PIAS2: variants seen among roughly 807,000 people sequenced by gnomAD.
PIAS2 encodes the protein protein inhibitor of activated STAT 2, also known as E3 SUMO-protein ligase PIAS2.
PIAS2 carries 19 observed loss-of-function variants against 69.7 expected under a neutral mutation model. The ratio of observed to expected loss-of-function variants is 0.27; its 90% CI spans 0.19 to 0.40. PIAS2 has a LOEUF of 0.40. Ranked by LOEUF, PIAS2 falls within the 10% of genes least tolerant of loss-of-function variation. The pLI, the probability that PIAS2 is intolerant of heterozygous loss-of-function variation, is 1.00. For missense variants in PIAS2, 624 were observed against 757.0 expected (o/e 0.82, Z 2.06); for synonymous variants, 261 against 263.2 (o/e 0.99, Z 0.08).
chr18:46,821,257 C>T (rs754919807), intron 11 of PIAS2, among the ~76,000 whole-genome samples, 185 bp from the exon 12 acceptor site: 1 of 152,144 alleles, frequency 6.6e-6, no homozygotes, highest in Non-Finnish European at 1.5e-5. Context: ...TTAACATGAA[C>T]ATATCTTGGC....
intron 2 of PIAS2, among the ~76,000 whole-genome samples, chr18:46,882,398 T>C (rs1480954294): frequency 2.6e-5 from 4 of 152,096 alleles, no homozygotes; most frequent in African/African-American, 7.2e-5. Context: ...GGGAAAACAG[T>C]ACCTCCACAC....
At chr18:46,894,541 C>T (rs888824726) in intron 1 of PIAS2, among the ~76,000 whole-genome samples, 32 of 152,086 alleles carry the variant, frequency 2.1e-4, no homozygotes, top group Non-Finnish European at 2.6e-4. Flanking sequence ...TTCCTACAGA[C>T]GAATTTCCCT....
chr18:46,837,560 A>C (rs1285846474), intron 8 of PIAS2, among the ~76,000 whole-genome samples: 1 of 152,368 alleles, frequency 6.6e-6, no homozygotes, highest in African/African-American at 2.4e-5. Context: ...TATATAAGAA[A>C]TCGTGTGTAA....
At chr18:46,825,432 C>T (rs1251973811) in intron 11 of PIAS2, among the ~76,000 whole-genome samples, 1 of 152,306 alleles carries the variant, frequency 6.6e-6, no homozygotes, top group East Asian at 1.9e-4. Flanking sequence ...AAAGAACAAA[C>T]TTAATCCAGC....
chr18:46,804,826 T>C lies in PIAS2; in HGVS notation c.*7607A>G, dbSNP rs958712752. 1.3e-5 allele frequency: 2 copies of C among 152,240 alleles called. No individual in the cohort carries two copies. The highest frequency in any genetic ancestry group is 2.9e-5 in the Non-Finnish European group (2 of 68,068). 9.4% of individuals were successfully genotyped at this position (152,240 alleles called of 1,614,324 possible). ...CCTGCCTTGTGTTCCAAGTGCCTGA[T>C]ACAATGCCTGGCACCTAATATAATC... On this transcript the variant is annotated 3_prime_UTR_variant, in exon 14 of 14. Coordinates refer to ENST00000585916, the MANE Select transcript of PIAS2 (RefSeq NM_004671.5).
At chr18:46,874,780 C>A (rs910426177) in intron 2 of PIAS2, among the ~76,000 whole-genome samples, 18 of 152,146 alleles carry the variant, frequency 1.2e-4, no homozygotes, top group Non-Finnish European at 1.9e-4. Context: ...AACTAAAGGC[C>A]TTTTAGCAGA....
Position 46,808,436 on chromosome 18 carries a change from T to C in PIAS2, c.*3997A>G, listed in dbSNP as rs1438313723. On this transcript the variant is annotated 3_prime_UTR_variant, in exon 14 of 14. Transcript: ENST00000585916. ...CAGCTTTATTTATTTCTTTTAGGAA[T>C]TGCAGGTTCCTAACAAAGTAGGGGT... 1.3e-5 allele frequency: 2 copies of C among 152,222 alleles called. No homozygotes were observed. The highest frequency in any genetic ancestry group is 4.8e-5 in the African/African-American group (2 of 41,456). 9.4% of individuals were successfully genotyped at this position (152,222 alleles called of 1,614,324 possible). A position where few individuals can be genotyped will look rare whatever the true frequency, so the allele number is the denominator to read the frequency against.
chr18:46,821,330 T>A (rs2042153220), intron 11 of PIAS2, among the ~76,000 whole-genome samples: 1 of 152,116 alleles, frequency 6.6e-6, no homozygotes. Context: ...AGTGCTGGAG[T>A]GAGATATAAC....
At chr18:46,887,412 G>A (rs531368860) in intron 2 of PIAS2, among the ~76,000 whole-genome samples, 1 of 152,298 alleles carries the variant, frequency 6.6e-6, no homozygotes, top group South Asian at 2.1e-4. Context: ...ATATGTTTAA[G>A]TGTTTTCACA....
Position 46,811,032 on chromosome 18 carries a change from T to G in PIAS2, c.*1401A>C, listed in dbSNP as rs1438286981. The stretch of plus-strand genomic sequence containing the variant: ...CTGGATGAAAATGTTTCTCTAAGAG[T>G]AAAACCCAGTTTTCTCTGTGATTTA... On this transcript the variant is annotated 3_prime_UTR_variant, in exon 14 of 14. Coordinates refer to ENST00000585916, the MANE Select transcript of PIAS2 (RefSeq NM_004671.5). 1.3e-5 allele frequency: 2 copies of G among 152,042 alleles called. No homozygotes were observed. The highest frequency in any genetic ancestry group is 2.9e-5 in the Non-Finnish European group (2 of 68,008). The allele number at this position is 152,042 out of a possible 1,614,324, so 9.4% of individuals were successfully genotyped here. A position where few individuals can be genotyped will look rare whatever the true frequency, so the allele number is the denominator to read the frequency against.
Position 46,805,906 on chromosome 18 carries a change from C to T in PIAS2, c.*6527G>A, listed in dbSNP as rs564965466. The T allele has an allele frequency of 2.0e-5, 3 of 152,274 alleles. No individual in the cohort carries two copies. Among genetic ancestry groups the T allele is most frequent in the South Asian group, 4.1e-4 (2 of 4,826 alleles). 9.4% of individuals were successfully genotyped at this position (152,274 alleles called of 1,614,324 possible). On this transcript the variant is annotated 3_prime_UTR_variant, in exon 14 of 14. Coordinates refer to ENST00000585916, the MANE Select transcript of PIAS2 (RefSeq NM_004671.5). ...TCATCACTGTCTCCCATACATGATT[C>T]GTCTTCACTCTAAACTGCCTCCTGT...
intron 3 of PIAS2, 138 bp from the exon 4 acceptor site, chr18:46,855,753 T>C: frequency 3.0e-6 from 2 of 674,440 alleles, no homozygotes; most frequent in Non-Finnish European, 5.2e-6. Context: ...CTACCAATAA[T>C]ATAAGCCTTA....
chr18:46,837,215 G>C (rs2044571483), intron 8 of PIAS2, among the ~76,000 whole-genome samples: 1 of 151,706 alleles, frequency 6.6e-6, no homozygotes. Flanking sequence ...TACCTATTGG[G>C]TTATGCATAC....
intron 2 of PIAS2, among the ~76,000 whole-genome samples, chr18:46,878,646 A>C (rs1359874222): frequency 6.6e-6 from 1 of 152,196 alleles, no homozygotes; most frequent in Non-Finnish European, 1.5e-5. Context: ...AGGTGGGCGG[A>C]TCACCTGAGG....
At chr18:46,857,959 T>C (rs922406241) in intron 3 of PIAS2, among the ~76,000 whole-genome samples, 11 of 152,108 alleles carry the variant, frequency 7.2e-5, no homozygotes, top group Non-Finnish European at 1.6e-4. Flanking sequence ...GTGAAATAAA[T>C]GCAATGATGC....
At chr18:46,860,679 C>T (rs1345346801) in intron 3 of PIAS2, among the ~76,000 whole-genome samples, 3 of 152,072 alleles carry the variant, frequency 2.0e-5, no homozygotes, top group Non-Finnish European at 2.9e-5. Flanking sequence ...AACGAATAAA[C>T]GGGCTGGGAA....
intron 8 of PIAS2, among the ~76,000 whole-genome samples, chr18:46,836,766 A>C (rs899394313): frequency 6.6e-6 from 1 of 152,178 alleles, no homozygotes; most frequent in African/African-American, 2.4e-5. Context: ...ATATACATTG[A>C]AAGTATGACT....
Position 46,823,097 on chromosome 18 carries a change from T to C in PIAS2, c.1509-2025A>G, listed in dbSNP as rs117391297. Among the ~76,000 whole-genome samples the C allele has an allele frequency of 9.3e-4, 137 of 146,646 alleles. 1 individual carries two copies. In the East Asian group the frequency reaches 0.024, roughly 26 times the overall value. On this transcript the variant is annotated intron_variant, in intron 11 of 13. Transcript: ENST00000585916. ...ACAAAAAAAAAAAAAAAGCCACATATGCTGAAGTATGCCTAAGGTCCTAGC... is the reference window on the plus strand; with the variant it reads ...ACAAAAAAAAAAAAAAAGCCACATACGCTGAAGTATGCCTAAGGTCCTAGC...
chr18:46,871,209 AGTATAT>A (rs1181485414), intron 2 of PIAS2, among the ~76,000 whole-genome samples: 5 of 152,310 alleles, frequency 3.3e-5, no homozygotes, highest in Non-Finnish European at 7.4e-5. Flanking sequence ...AAGCTCAAAA[AGTATAT>A]GTGAGAAGAG....
Sources: allele counts gnomAD v4.1 joint callset (sites outside exome capture counted in the v4.1 genomes callset), GRCh38; gene constraint gnomAD v4.1.1; transcripts MANE v1.5; gene names NCBI Gene and HGNC (gene_info 2026-07-23, HGNC 2026-07-21).